CAMKMT: variants seen among roughly 807,000 people sequenced by gnomAD.
CAMKMT encodes calmodulin-lysine N-methyltransferase.
Under a neutral mutation model 48.0 loss-of-function variants are expected in CAMKMT, and 53 were observed. The ratio of observed to expected loss-of-function variants is 1.10; its 90% confidence interval spans 0.89 to 1.39. CAMKMT has a LOEUF of 1.39. Among genes scored for constraint, CAMKMT ranks in the 40% most tolerant of loss-of-function variants. The pLI, the probability that CAMKMT is intolerant of heterozygous loss-of-function variation, is 0.00. For synonymous variants in CAMKMT, 165 were observed against 152.3 expected (o/e 1.08, Z -0.61); for missense variants, 428 against 402.7 (o/e 1.06, Z -0.54).
At chr2:44,587,258 C>T (rs1211056648) in intron 3 of CAMKMT, among the ~76,000 whole-genome samples, 3 of 152,126 alleles carry the variant, frequency 2.0e-5, no homozygotes, top group Non-Finnish European at 2.9e-5. Context: ...AATACTGAGT[C>T]TTCTAATCAA....
chr2:44,568,608 A>G (rs1668734869), intron 3 of CAMKMT, among the ~76,000 whole-genome samples: 1 of 152,098 alleles, frequency 6.6e-6, no homozygotes. Flanking sequence ...AGGTCTAAAA[A>G]GGCCACCCTG....
intron 3 of CAMKMT, among the ~76,000 whole-genome samples, chr2:44,471,969 C>G (rs1668442956): frequency 6.6e-6 from 1 of 152,150 alleles, no homozygotes; most frequent in Non-Finnish European, 1.5e-5. Flanking sequence ...GCGTGAGCCA[C>G]CATGCCTGGC....
intron 3 of CAMKMT, among the ~76,000 whole-genome samples, chr2:44,619,971 A>G (rs1223994663): frequency 6.6e-6 from 1 of 152,208 alleles, no homozygotes; most frequent in East Asian, 1.9e-4. Context: ...ACCCATGCCC[A>G]GTCTTGCCCG....
intron 3 of CAMKMT, among the ~76,000 whole-genome samples, chr2:44,465,227 A>G (rs934309519): frequency 6.6e-6 from 1 of 152,186 alleles, no homozygotes; most frequent in Non-Finnish European, 1.5e-5. Flanking sequence ...TGTAATCCTC[A>G]TAGTAACCAC....
intron 7 of CAMKMT, among the ~76,000 whole-genome samples, chr2:44,737,041 G>A (rs1315104306): frequency 4.6e-5 from 7 of 152,020 alleles, no homozygotes; most frequent in African/African-American, 1.7e-4. Flanking sequence ...TGGCCATCTT[G>A]GATTATATAC....
At chr2:44,711,197 T>G (rs906995068) in intron 6 of CAMKMT, among the ~76,000 whole-genome samples, 5 of 152,198 alleles carry the variant, frequency 3.3e-5, no homozygotes, top group Admixed American at 6.5e-5. Flanking sequence ...TTCCATCTAC[T>G]GATGAGTCAT....
intron 3 of CAMKMT, among the ~76,000 whole-genome samples, chr2:44,446,232 G>A (rs1005022512): frequency 6.6e-6 from 1 of 151,872 alleles, no homozygotes; most frequent in African/African-American, 2.4e-5. Context: ...ACAGGTGTGA[G>A]CCACTGCGCC....
At chr2:44,591,927 A>G (rs1447726865) in intron 3 of CAMKMT, among the ~76,000 whole-genome samples, 7 of 152,260 alleles carry the variant, frequency 4.6e-5, no homozygotes, top group Admixed American at 1.3e-4. Context: ...CATGGATGAA[A>G]TTGGAAATCA....
intron 3 of CAMKMT, among the ~76,000 whole-genome samples, chr2:44,626,302 G>T (rs1672480820): frequency 6.6e-6 from 1 of 151,934 alleles, no homozygotes; most frequent in Non-Finnish European, 1.5e-5. Flanking sequence ...ATTGTTAATG[G>T]TATTGTATTT....
intron 3 of CAMKMT, among the ~76,000 whole-genome samples, chr2:44,418,367 A>G (rs1683711588): frequency 6.6e-6 from 1 of 151,188 alleles, no homozygotes; most frequent in African/African-American, 2.4e-5. Flanking sequence ...TTATATTTTT[A>G]GTCTATGGTC....
intron 3 of CAMKMT, chr2:44,394,798 C>T (rs912971091): frequency 7.3e-5 from 33 of 451,584 alleles, no homozygotes; most frequent in Non-Finnish European, 1.2e-4. Context: ...ATCTGTTTGT[C>T]TGTTTGTGAT....
At chr2:44,546,075 A>G (rs1667377753) in intron 3 of CAMKMT, among the ~76,000 whole-genome samples, 1 of 151,916 alleles carries the variant, frequency 6.6e-6, no homozygotes, top group Non-Finnish European at 1.5e-5. Flanking sequence ...CATCTTTTAT[A>G]TAGAGAGTTA....
intron 3 of CAMKMT, among the ~76,000 whole-genome samples, chr2:44,433,945 G>C (rs10190664): frequency 0.031 from 4,779 of 152,214 alleles, 242 homozygotes; most frequent in African/African-American, 0.11. Context: ...GTAAATAAAT[G>C]TGTGTTTTGT....
intron 3 of CAMKMT, among the ~76,000 whole-genome samples, chr2:44,474,518 G>C (rs960107715): frequency 1.3e-5 from 2 of 151,722 alleles, no homozygotes; most frequent in African/African-American, 4.8e-5. Context: ...GAGTAAGAGA[G>C]AGATAAAGAG....
intron 3 of CAMKMT, among the ~76,000 whole-genome samples, chr2:44,688,269 G>T (rs138938789): frequency 6.6e-6 from 1 of 152,220 alleles, no homozygotes; most frequent in East Asian, 1.9e-4. Flanking sequence ...GAGCAAGACC[G>T]CTGTGTTTAC....
intron 3 of CAMKMT, among the ~76,000 whole-genome samples, chr2:44,575,558 C>A (rs1248865041): frequency 1.3e-5 from 2 of 152,072 alleles, no homozygotes; most frequent in Admixed American, 1.3e-4. Flanking sequence ...AATATTCAAT[C>A]ATTCATTTAT....
At chr2:44,720,720 G>A (rs1313280999) in intron 7 of CAMKMT, among the ~76,000 whole-genome samples, 1 of 152,070 alleles carries the variant, frequency 6.6e-6, no homozygotes, top group Non-Finnish European at 1.5e-5. Flanking sequence ...GAAGTGGATT[G>A]TGTCTATTTG....
intron 3 of CAMKMT, among the ~76,000 whole-genome samples, chr2:44,408,156 G>C (rs1461291527): frequency 1.3e-5 from 2 of 151,348 alleles, no homozygotes; most frequent in Non-Finnish European, 2.9e-5. Flanking sequence ...CTCCCGAGTA[G>C]CTGGGACTAC....
At chr2:44,644,091 T>A (rs1169931544) in intron 3 of CAMKMT, among the ~76,000 whole-genome samples, 1 of 152,200 alleles carries the variant, frequency 6.6e-6, no homozygotes, top group Non-Finnish European at 1.5e-5. Flanking sequence ...ACTATGATCA[T>A]CTATGTGCCA....
Sources: gnomAD v4.1 joint callset for allele counts (sites outside exome capture counted in the v4.1 genomes callset) on GRCh38, gnomAD v4.1.1 for gene constraint, MANE v1.5 for transcripts, NCBI Gene and HGNC (gene_info 2026-07-23, HGNC 2026-07-21) for gene names.